The following ACE variants were observed in gnomAD, a reference collection of about 807,000 sequenced individuals.
The protein encoded by ACE is angiotensin I converting enzyme, also known as angiotensin-converting enzyme.
A neutral mutation model predicts 162.3 loss-of-function variants in ACE; 122 were observed. The observed-to-expected ratio is 0.75, with a 90% CI of 0.65 to 0.87. The LOEUF (loss-of-function observed/expected upper bound fraction) is 0.87, where lower values mean the gene tolerates loss of function less well. Among genes scored for constraint, ACE ranks in the 40% least tolerant of loss-of-function variants. The pLI, the probability that ACE is intolerant of heterozygous loss-of-function variation, is 0.00. For missense variants in ACE, 1,799 were observed against 1,735.1 expected (o/e 1.04, Z -0.65); for synonymous variants, 796 against 720.6 (o/e 1.10, Z -1.68).
intron 5 of ACE, 45 bp from the exon 6 acceptor site, chr17:63,481,046 A>C: frequency 6.3e-7 from 1 of 1,588,622 alleles, no homozygotes; most frequent in Non-Finnish European, 8.6e-7. Flanking sequence ...AGAAGCAGGC[A>C]CAGCCAGGCA....
intron 22 of ACE, among the ~76,000 whole-genome samples, chr17:63,494,794 T>C (rs1309774352): frequency 6.6e-6 from 1 of 152,224 alleles, no homozygotes; most frequent in Non-Finnish European, 1.5e-5. Flanking sequence ...CACTGTTTTG[T>C]TTTGCTTTTA....
rs1319509042 is a variant in ACE at position 63,487,029 on chromosome 17, C to T, written c.2261C>T (p.Ala754Val). ...GATATGGAAACCACCTACAGCGTGG[C>T]CACTGTGTGCCACCCGAATGGCAGC... ...LLDMETTYSV[A>V]TVCHPNGSCL... Residue 754 changes from alanine (A) to valine (V), a missense_variant, in exon 15 of 25, where the codon GCC becomes GTC. Coordinates refer to ENST00000290866, the MANE Select transcript of ACE (RefSeq NM_000789.4). 6.2e-6 allele frequency: 10 copies of T among 1,613,782 alleles called. No individual in the cohort carries two copies. The highest frequency in any genetic ancestry group is 8.5e-6 in the Non-Finnish European group (10 of 1,180,034).
chr17:63,497,027 C>A (rs983449554), intron 24 of ACE, 42 bp downstream of exon 24: 1 of 1,594,498 alleles, frequency 6.3e-7, no homozygotes, highest in East Asian at 2.3e-5. Flanking sequence ...GTCTTAACCC[C>A]CTCCCCAGGC....
Position 63,496,454 on chromosome 17 carries a change from C to T in ACE, c.3441C>T (p.Gly1147=), listed in dbSNP as rs760643121. 11 of 1,614,084 alleles carry T rather than the reference C, an allele frequency of 6.8e-6. No homozygotes were observed. The highest frequency in any genetic ancestry group is 9.3e-6 in the Non-Finnish European group (11 of 1,180,046). ...QFHEALCQAA[G]HTGPLHKCDI... The stretch of plus-strand genomic sequence containing the variant: ...ACGAGGCACTGTGCCAGGCAGCTGG[C>T]CACACGGGCCCCCTGCACAAGTGTG... Residue 1147 remains glycine (G), a synonymous_variant, in exon 23 of 25, where the codon GGC becomes GGT. Coordinates refer to ENST00000290866, the MANE Select transcript of ACE (RefSeq NM_000789.4).
chr17:63,497,302 G>C lies in ACE; in HGVS notation c.3857G>C (p.Arg1286Pro), dbSNP rs767828019. ...LSQRLFSIRHRSLHRHSHGPQ... is the reference protein window; with the variant it reads ...LSQRLFSIRHPSLHRHSHGPQ... ...CAGCGGCTCTTCAGCATCCGCCACC[G>C]CAGCCTCCACCGGCACTCCCACGGG... The change falls in exon 25 of 25, where the codon CGC becomes CCC. Residue 1286 changes from arginine to proline, a missense_variant. Physicochemically the swap from Arg to Pro is moderately radical, Grantham distance 103. Coordinates refer to ENST00000290866, the MANE Select transcript of ACE (RefSeq NM_000789.4). The C allele has an allele frequency of 6.4e-7, 1 of 1,550,540 alleles. No individual in the cohort carries two copies. The highest frequency in any genetic ancestry group is 8.7e-7 in the Non-Finnish European group (1 of 1,148,494).
In ACE at chr17:63,496,991, G is replaced by T; in HGVS notation, c.3691+6G>T. 1 of 1,544,956 alleles carries T rather than the reference G, an allele frequency of 6.5e-7. No homozygotes were observed. The highest frequency in any genetic ancestry group is 8.8e-7 in the Non-Finnish European group (1 of 1,138,296). On this transcript the variant is annotated splice_donor_region_variant and intron_variant, in intron 24 of 24. Transcript: ENST00000290866. ...CAACTGGACGCCGAACTCCGGTACCGCCACCCACCCCACCTCCAGCCTTGG... is the reference window on the plus strand; with the variant it reads ...CAACTGGACGCCGAACTCCGGTACCTCCACCCACCCCACCTCCAGCCTTGG...
rs1490570704 is a variant in ACE, at chr17:63,491,728, GA to G, written c.2912+348del. On this transcript the variant is annotated intron_variant, in intron 19 of 24. Coordinates refer to ENST00000290866, the MANE Select transcript of ACE (RefSeq NM_000789.4). The surrounding 1 kb of genome is among the most constrained non-coding windows in gnomAD (Gnocchi z 4.4). The stretch of plus-strand genomic sequence containing the variant: ...CTGGGGGCACATGCTGTGACACAGG[GA>G]GGCACACGAGGATGTTGGGTGCTCT... 6.6e-6 allele frequency among the ~76,000 whole-genome samples: 1 copy of G among 152,196 alleles called. No homozygotes were observed. Among genetic ancestry groups the G allele is most frequent in the Non-Finnish European group, 1.5e-5 (1 of 68,024 alleles).
intron 22 of ACE, 74 bp downstream of exon 22, chr17:63,494,544 C>A: frequency 7.4e-7 from 1 of 1,353,798 alleles, no homozygotes; most frequent in Non-Finnish European, 1.0e-6. Flanking sequence ...CGGCCACTGC[C>A]CGGTCCACAA....
At chr17:63,492,235 T>C (rs374513889) in intron 19 of ACE, among the ~76,000 whole-genome samples, 14 of 152,352 alleles carry the variant, frequency 9.2e-5, no homozygotes, top group African/African-American at 3.4e-4. Flanking sequence ...CAGCAACTAC[T>C]GACGCAGCCA....
intron 19 of ACE, among the ~76,000 whole-genome samples, chr17:63,492,708 A>G (rs771331280): frequency 6.6e-6 from 1 of 152,216 alleles, no homozygotes; most frequent in Non-Finnish European, 1.5e-5. Flanking sequence ...AATTTCCCGC[A>G]GTTTGAATTG....
In ACE at chr17:63,477,138, C is replaced by T. The variant is rs1355518990; in HGVS notation, c.44C>T (p.Pro15Leu). The T allele has an allele frequency of 1.4e-6, 2 of 1,430,778 alleles. No individual in the cohort carries two copies. Among genetic ancestry groups the T allele is most frequent in the Non-Finnish European group, 1.8e-6 (2 of 1,091,666 alleles). The allele number at this position is 1,430,778 out of a possible 1,614,324, so 88.6% of individuals were successfully genotyped here. A position where few individuals can be genotyped will look rare whatever the true frequency, so the allele number is the denominator to read the frequency against. ...SGRRGPGLLL[P>L]LPLLLLLPPQ... ...CGCCGGGGGCCGGGGCTGCTGCTGC[C>T]GCTGCCGCTGCTGTTGCTGCTGCCG... Residue 15 changes from proline (P) to leucine (L), a missense_variant, in exon 1 of 25, where the codon CCG becomes CTG. Transcript: ENST00000290866.
At position 63,497,581 on chromosome 17, in the gene ACE, A is replaced by C. The variant is rs1276273449; in HGVS notation, c.*215A>C. 6 of 701,420 alleles carry C rather than the reference A, an allele frequency of 8.6e-6. No homozygotes were observed. The African/African-American group carries it at 1.0e-4, about 12-fold the overall frequency. The allele number at this position is 701,420 out of a possible 1,614,324, so 43.4% of individuals were successfully genotyped here. On this transcript the variant is annotated 3_prime_UTR_variant, in exon 25 of 25. Transcript: ENST00000290866. ...CCTGACACTGAGCCCCACCTCTCCAAGTCTCTCTGTGAATACAATTAAAGG... is the reference window on the plus strand; with the variant it reads ...CCTGACACTGAGCCCCACCTCTCCACGTCTCTCTGTGAATACAATTAAAGG...
intron 22 of ACE, 105 bp from the exon 23 acceptor site, chr17:63,496,289 T>G: frequency 6.4e-7 from 1 of 1,561,690 alleles, no homozygotes; most frequent in South Asian, 1.1e-5. Flanking sequence ...GCTGTGCGCA[T>G]GTGACTTAGC....
chr17:63,485,585 G>A (rs1245441961), intron 13 of ACE: 5 of 615,934 alleles, frequency 8.1e-6, no homozygotes, highest in African/African-American at 1.8e-5. Context: ...AGACCATCCT[G>A]GCTAACACGG....
chr17:63,485,271 G>T lies in ACE; in HGVS notation c.1957G>T (p.Val653Leu), dbSNP rs1248095456. The T allele has an allele frequency of 6.2e-7, 1 of 1,614,116 alleles. No individual in the cohort carries two copies. Among genetic ancestry groups the T allele is most frequent in the African/African-American group, 1.3e-5 (1 of 75,024 alleles). ...TGATGAGGCTGAGGCCAGCAAGTTT[G>T]TGGAGGAATATGACCGGACATCCCA... ...VTDEAEASKF[V>L]EEYDRTSQVV... The change falls in exon 13 of 25, where the codon GTG (valine) becomes TTG (leucine). Residue 653 changes from valine (V) to leucine (L), a missense_variant. Coordinates refer to ENST00000290866, the MANE Select transcript of ACE (RefSeq NM_000789.4).
intron 19 of ACE, among the ~76,000 whole-genome samples, chr17:63,492,419 A>G (rs1013201640): frequency 1.3e-5 from 2 of 152,248 alleles, no homozygotes; most frequent in African/African-American, 4.8e-5. Flanking sequence ...CAAGGAGAAC[A>G]GACACGGGGA....
chr17:63,481,766 G>A (rs373402553), intron 7 of ACE, 28 bp downstream of exon 7: 4 of 1,613,610 alleles, frequency 2.5e-6, no homozygotes, highest in Non-Finnish European at 3.4e-6. Flanking sequence ...GCACGTTCTG[G>A]GGTTCCCCGG....
chr17:63,485,545 G>C (rs2029881476), intron 13 of ACE, 173 bp downstream of exon 13: 7 of 872,288 alleles, frequency 8.0e-6, no homozygotes, highest in Non-Finnish European at 1.8e-6. Flanking sequence ...CTTTGGGAGG[G>C]GGAGGCGGGC....
intron 2 of ACE, 52 bp downstream of exon 2, chr17:63,478,150 G>A: frequency 6.5e-7 from 1 of 1,547,444 alleles, no homozygotes; most frequent in South Asian, 1.2e-5. Context: ...GTGCCCCATC[G>A]TGGGGGTCGG....
Sources: allele counts gnomAD v4.1 joint callset (sites outside exome capture counted in the v4.1 genomes callset), GRCh38; gene constraint gnomAD v4.1.1; non-coding constraint Gnocchi (gnomAD v3.1); transcripts MANE v1.5; gene names NCBI Gene and HGNC (gene_info 2026-07-23, HGNC 2026-07-21).